PCDHGB3: variants seen among roughly 807,000 people sequenced by gnomAD.
PCDHGB3 encodes protocadherin gamma-B3.
A neutral mutation model predicts 59.2 loss-of-function variants in PCDHGB3; 40 were observed. The ratio of observed to expected loss-of-function variants is 0.68; its 90% CI spans 0.52 to 0.88. The LOEUF is 0.88. PCDHGB3 is among the 40% of genes least tolerant of loss of function. The pLI, the probability that PCDHGB3 is intolerant of heterozygous loss-of-function variation, is 0.00. For synonymous variants in PCDHGB3, 581 were observed against 503.6 expected (o/e 1.15, Z -2.06); for missense variants, 1,309 against 1,187.9 (o/e 1.10, Z -1.50).
chr5:141,472,602 T>A (rs1032061805), intron 1 of PCDHGB3, among the ~76,000 whole-genome samples: 1 of 152,026 alleles, frequency 6.6e-6, no homozygotes, highest in South Asian at 2.1e-4. Context: ...CTTGAAATTA[T>A]AAAACAAAGA....
chr5:141,478,244 T>C lies in PCDHGB3; in HGVS notation c.2416-16563T>C, dbSNP rs758993366. ...TTCTGTGGGGTTTGTGGTCACAGTG[T>C]TCGGAGTAATCATATTCAAAGTTTA... On this transcript the variant is annotated intron_variant, in intron 1 of 3. Coordinates refer to ENST00000576222, the MANE Select transcript of PCDHGB3 (RefSeq NM_018924.5). 5 of 1,614,132 alleles carry C rather than the reference T, an allele frequency of 3.1e-6. No individual in the cohort carries two copies. In the South Asian group the frequency reaches 4.4e-5, roughly 14 times the overall value.
chr5:141,404,840 C>G lies in PCDHGB3; in HGVS notation c.2415+32031C>G, dbSNP rs377389968. ...GCACACAGGTGAAGTGCGCACAGCT[C>G]GGGCCCTGCTAGATAGAGATGCGCT... is the stretch of plus-strand genomic sequence containing the variant. On this transcript the variant is annotated intron_variant, in intron 1 of 3. Transcript: ENST00000576222. 4 of 1,613,698 alleles carry G rather than the reference C, an allele frequency of 2.5e-6. No individual in the cohort carries two copies. In the Admixed American group the frequency reaches 5.0e-5, roughly 20 times the overall value.
chr5:141,444,152 ATTTTTTTTTTTTTTTTTTTTTTTTT>A (rs747671382), intron 1 of PCDHGB3, among the ~76,000 whole-genome samples: 1 of 33,882 alleles, frequency 3.0e-5, no homozygotes, highest in Non-Finnish European at 5.2e-5. Context: ...TGTGTACTGG[ATTTTTTTTTTTTTTTTTTTTTTTTT>A]TTTTTTTTTT....
At chr5:141,374,573 A>G in intron 1 of PCDHGB3, 1 of 1,613,740 alleles carries the variant, frequency 6.2e-7, no homozygotes, top group Non-Finnish European at 8.5e-7. Context: ...TGATGTGGGA[A>G]TGAACTCCCT....
intron 1 of PCDHGB3, chr5:141,399,969 C>T (rs1371912218): frequency 1.2e-6 from 2 of 1,612,194 alleles, no homozygotes; most frequent in South Asian, 2.2e-5. Context: ...GGCTCTTCAG[C>T]CTGGGGCTGC....
At chr5:141,412,216 T>C (rs1247540521) in intron 1 of PCDHGB3, 1 of 152,244 alleles carries the variant, frequency 6.6e-6, no homozygotes, top group East Asian at 1.9e-4. Context: ...ACATAAACAC[T>C]TACTTGTTAA....
At chr5:141,395,500 TAAG>T (rs1227202502) in intron 1 of PCDHGB3, 3 of 471,360 alleles carry the variant, frequency 6.4e-6, no homozygotes, top group Non-Finnish European at 1.1e-5. Flanking sequence ...CTCATTCACT[TAAG>T]AAGTAGCTAC....
rs756706355 is a variant in PCDHGB3 at position 141,486,950 on chromosome 5, G to C, written c.2416-7857G>C. 6.2e-7 allele frequency: 1 copy of C among 1,614,202 alleles called. No homozygotes were observed. Among genetic ancestry groups the C allele is most frequent in the East Asian group, 2.2e-5 (1 of 44,876 alleles). On this transcript the variant is annotated intron_variant, in intron 1 of 3. Coordinates refer to ENST00000576222, the MANE Select transcript of PCDHGB3 (RefSeq NM_018924.5). The surrounding 1 kb of genome is among the most constrained non-coding windows in gnomAD (Gnocchi z 5.0). ...TGGTGCTGGCCACCTAATCACAAAG[G>C]TGACTGCTGTGGACTTGGATTCAGG...
intron 1 of PCDHGB3, chr5:141,410,800 T>G: frequency 1.5e-6 from 1 of 678,550 alleles, no homozygotes. Context: ...TAAGTTGCTC[T>G]ATCTTTTTGT....
chr5:141,391,176 T>C (rs562307508), intron 1 of PCDHGB3: 1 of 152,322 alleles, frequency 6.6e-6, no homozygotes, highest in African/African-American at 2.4e-5. Context: ...ACTGCCAATC[T>C]GGTGTGCATA....
chr5:141,394,926 C>T, intron 1 of PCDHGB3: 2 of 1,613,844 alleles, frequency 1.2e-6, no homozygotes, highest in Non-Finnish European at 1.7e-6. Context: ...CTGTGTCTTC[C>T]TCGCCTTTGT....
chr5:141,485,093 T>C lies in PCDHGB3; in HGVS notation c.2416-9714T>C. 1 of 1,076,296 alleles carries C rather than the reference T, an allele frequency of 9.3e-7. No homozygotes were observed. Among genetic ancestry groups the C allele is most frequent in the Non-Finnish European group, 1.4e-6 (1 of 718,118 alleles). 66.7% of individuals were successfully genotyped at this position (1,076,296 alleles called of 1,614,324 possible). ...TGGCGCGGGGAAAGGGAGATAGGTG[T>C]CTCCAGCTGCTGTGGCTGTTTGGGG... On this transcript the variant is annotated intron_variant, in intron 1 of 3. Coordinates refer to ENST00000576222, the MANE Select transcript of PCDHGB3 (RefSeq NM_018924.5). The surrounding 1 kb of genome is among the most constrained non-coding windows in gnomAD (Gnocchi z 5.7).
chr5:141,385,125 C>T (rs1206430746), intron 1 of PCDHGB3: 7 of 1,614,212 alleles, frequency 4.3e-6, no homozygotes, highest in Non-Finnish European at 8.5e-7. Context: ...ACTTTGTGGG[C>T]ATGGACGGGG....
intron 1 of PCDHGB3, among the ~76,000 whole-genome samples, chr5:141,447,405 T>C (rs1045202682): frequency 6.6e-6 from 1 of 152,068 alleles, no homozygotes; most frequent in Non-Finnish European, 1.5e-5. Context: ...CCCAAAGTGC[T>C]GGGATTACAG....
chr5:141,390,542 G>A, intron 1 of PCDHGB3: 1 of 511,902 alleles, frequency 2.0e-6, no homozygotes, highest in South Asian at 2.4e-5. Context: ...TAACCACAAA[G>A]TGAAAGTGTT....
In PCDHGB3 at chr5:141,418,596, T is replaced by C; in HGVS notation, c.2415+45787T>C. On this transcript the variant is annotated intron_variant, in intron 1 of 3. Coordinates refer to ENST00000576222, the MANE Select transcript of PCDHGB3 (RefSeq NM_018924.5). Reference sequence around the variant, plus strand: ...AACCCCCCAGTGTTCAGCCAGGACGTGTACAGGGTTAGCCTTCGGGAAGAC... The same window carrying C: ...AACCCCCCAGTGTTCAGCCAGGACGCGTACAGGGTTAGCCTTCGGGAAGAC... 8.7e-6 allele frequency: 14 copies of C among 1,614,046 alleles called. No individual in the cohort carries two copies. The highest frequency in any genetic ancestry group is 1.1e-5 in the Non-Finnish European group (13 of 1,179,906).
intron 1 of PCDHGB3, chr5:141,420,339 T>C: frequency 7.2e-7 from 1 of 1,395,458 alleles, no homozygotes; most frequent in Non-Finnish European, 9.6e-7. Context: ...TCCAATATAG[T>C]GGTATTATTT....
chr5:141,449,283 A>C (rs937339676), intron 1 of PCDHGB3, among the ~76,000 whole-genome samples: 1 of 152,102 alleles, frequency 6.6e-6, no homozygotes, highest in African/African-American at 2.4e-5. Flanking sequence ...CTTCACCCGG[A>C]TGCACCGGGT....
chr5:141,404,682 T>G lies in PCDHGB3; in HGVS notation c.2415+31873T>G, dbSNP rs766278950. 2.5e-6 allele frequency: 4 copies of G among 1,613,914 alleles called. No individual in the cohort carries two copies. Among genetic ancestry groups the G allele is most frequent in the Non-Finnish European group, 2.5e-6 (3 of 1,179,906 alleles). On this transcript the variant is annotated intron_variant, in intron 1 of 3. Coordinates refer to ENST00000576222, the MANE Select transcript of PCDHGB3 (RefSeq NM_018924.5). ...ACTGATGGTTCTACTGGTGTGGAGC[T>G]GGCACCCCGCTCTGCAGAGCCTGGC...
Sources: gnomAD v4.1 joint callset for allele counts (sites outside exome capture counted in the v4.1 genomes callset) on GRCh38, gnomAD v4.1.1 for gene constraint, Gnocchi (gnomAD v3.1) non-coding constraint, MANE v1.5 for transcripts, NCBI Gene and HGNC (gene_info 2026-07-23, HGNC 2026-07-21) for gene names.